Variants in NEK10 observed in about 807,000 individuals in gnomAD.
NEK10 encodes the protein serine/threonine-protein kinase Nek10.
Under a neutral mutation model 159.8 loss-of-function variants are expected in NEK10, and 122 were observed. That is an observed-to-expected ratio of 0.76 (90% CI 0.66 to 0.89). The LOEUF is 0.89. Among genes scored for constraint, NEK10 ranks in the 40% least tolerant of loss-of-function variants. The pLI is 0.00. For synonymous variants in NEK10, 466 were observed against 457.1 expected, an observed-to-expected ratio of 1.02 and a Z score of -0.25; for missense variants, 1,342 against 1,323.1, an observed-to-expected ratio of 1.01 and a Z score of -0.22.
chr3:27,298,002 T>C (rs564650834), intron 13 of NEK10, among the ~76,000 whole-genome samples: 16 of 152,220 alleles, frequency 1.1e-4, no homozygotes, highest in Non-Finnish European at 2.4e-4. Context: ...TCATCACCAT[T>C]TTACATAAGC....
intron 23 of NEK10, among the ~76,000 whole-genome samples, chr3:27,228,749 C>A (rs1952907551): frequency 6.6e-6 from 1 of 152,174 alleles, no homozygotes; most frequent in Non-Finnish European, 1.5e-5. Context: ...TTCCTCCCTA[C>A]TTGGAACATC....
At chr3:27,277,750 C>T (rs73161134) in intron 22 of NEK10, among the ~76,000 whole-genome samples, 2,488 of 152,296 alleles carry the variant, frequency 0.016, 78 homozygotes, top group African/African-American at 0.057. Flanking sequence ...CACTCATATT[C>T]TCTCGGAGGA....
intron 12 of NEK10, among the ~76,000 whole-genome samples, chr3:27,302,998 C>T (rs576250627): frequency 4.6e-5 from 7 of 152,312 alleles, no homozygotes; most frequent in African/African-American, 1.7e-4. Flanking sequence ...GTTCTTCATA[C>T]TCCAGCCACA....
chr3:27,295,807 T>G (rs949637118), intron 14 of NEK10, 117 bp from the exon 15 acceptor site: 2 of 1,323,986 alleles, frequency 1.5e-6, no homozygotes, highest in Non-Finnish European at 2.0e-6. Flanking sequence ...AGTATAACTA[T>G]GGACCTTGAA....
chr3:27,317,071 T>G (rs2045258700), intron 6 of NEK10, among the ~76,000 whole-genome samples: 1 of 152,226 alleles, frequency 6.6e-6, no homozygotes, highest in African/African-American at 2.4e-5. Context: ...GCTTACTCCC[T>G]CTTAGAGAAT....
At chr3:27,271,557 T>C (rs1427029339) in intron 22 of NEK10, among the ~76,000 whole-genome samples, 1 of 152,184 alleles carries the variant, frequency 6.6e-6, no homozygotes, top group African/African-American at 2.4e-5. Flanking sequence ...CTGAGGAGCA[T>C]TACAATGATT....
rs747588866 is a variant in NEK10 at position 27,291,214 on chromosome 3, T to C, written c.1605+48A>G. ...TGAATATCGGTGTGCAAGTGTGACA[T>C]CCGGTTTGGTTGGGAGTATCAGAAA... On this transcript the variant is annotated intron_variant, in intron 18 of 35. Coordinates refer to ENST00000691995, the MANE Select transcript of NEK10 (RefSeq NM_001394966.1). 3.2e-6 allele frequency: 5 copies of C among 1,567,520 alleles called. No individual in the cohort carries two copies. The East Asian group carries it at 1.1e-4, about 35-fold the overall frequency.
chr3:27,241,163 T>G (rs934190550), intron 23 of NEK10, among the ~76,000 whole-genome samples: 6 of 152,122 alleles, frequency 3.9e-5, no homozygotes, highest in African/African-American at 1.4e-4. Flanking sequence ...TTCCAAATAT[T>G]CAGCATAGAA....
intron 29 of NEK10, among the ~76,000 whole-genome samples, chr3:27,164,959 G>A (rs115321961): frequency 6.6e-5 from 10 of 152,172 alleles, no homozygotes; most frequent in Non-Finnish European, 1.2e-4. Flanking sequence ...TGGGATATGT[G>A]ACATAGAACA....
chr3:27,352,590 C>T lies in NEK10; in HGVS notation c.72-65G>A, dbSNP rs1478175426. 6 of 1,187,370 alleles carry T rather than the reference C, an allele frequency of 5.1e-6. No homozygotes were observed. The African/African-American group carries it at 9.1e-5, about 18-fold the overall frequency. The allele number at this position is 1,187,370 out of a possible 1,614,324, so 73.6% of individuals were successfully genotyped here. On this transcript the variant is annotated intron_variant, in intron 2 of 35. Coordinates refer to ENST00000691995, the MANE Select transcript of NEK10 (RefSeq NM_001394966.1). Reference sequence around the variant, plus strand: ...TCCAGGTGAACAAGATCGTGTTACCCACTGATGGCATTGCCACTTGGAGGC... The same window carrying T: ...TCCAGGTGAACAAGATCGTGTTACCTACTGATGGCATTGCCACTTGGAGGC...
intron 22 of NEK10, among the ~76,000 whole-genome samples, chr3:27,283,006 C>T (rs148624751): frequency 3.0e-4 from 45 of 152,096 alleles, no homozygotes; most frequent in African/African-American, 1.0e-3. Flanking sequence ...GCATTGGCTT[C>T]GAAATATTTC....
chr3:27,230,149 C>T (rs922451250), intron 23 of NEK10, among the ~76,000 whole-genome samples: 3 of 151,920 alleles, frequency 2.0e-5, no homozygotes, highest in African/African-American at 7.3e-5. Flanking sequence ...AAAGAGAAAC[C>T]GATCAGACTA....
At chr3:27,296,562 T>C (rs1373996065) in intron 14 of NEK10, among the ~76,000 whole-genome samples, 1 of 152,140 alleles carries the variant, frequency 6.6e-6, no homozygotes, top group African/African-American at 2.4e-5. Flanking sequence ...CAACCAAAAA[T>C]GTTTTCTCTG....
At chr3:27,206,718 T>A in intron 23 of NEK10, 2 of 638,002 alleles carry the variant, frequency 3.1e-6, no homozygotes, top group Non-Finnish European at 3.9e-6. Flanking sequence ...AAAATAGGGT[T>A]AAAGCAGTGG....
intron 32 of NEK10, among the ~76,000 whole-genome samples, chr3:27,121,518 A>G (rs1941303709): frequency 6.6e-6 from 1 of 152,138 alleles, no homozygotes; most frequent in South Asian, 2.1e-4. Context: ...AAAGTCTCGC[A>G]GGATCTGATA....
intron 14 of NEK10, among the ~76,000 whole-genome samples, chr3:27,296,890 T>G (rs1264950585): frequency 6.6e-6 from 1 of 152,160 alleles, no homozygotes; most frequent in Non-Finnish European, 1.5e-5. Flanking sequence ...CCAGAATTAA[T>G]GCAATTCAGA....
At chr3:27,160,664 G>C (rs1256417624) in intron 30 of NEK10, among the ~76,000 whole-genome samples, 3 of 152,110 alleles carry the variant, frequency 2.0e-5, no homozygotes, top group Non-Finnish European at 4.4e-5. Flanking sequence ...CCAGCAATTT[G>C]GGAGGCCGAG....
At chr3:27,260,946 T>C (rs1318505830) in intron 22 of NEK10, among the ~76,000 whole-genome samples, 1 of 152,216 alleles carries the variant, frequency 6.6e-6, no homozygotes, top group East Asian at 1.9e-4. Context: ...TGGTTTAGTC[T>C]TGGGAGGGTG....
At chr3:27,247,555 T>A (rs1370706161) in intron 23 of NEK10, among the ~76,000 whole-genome samples, 3 of 151,842 alleles carry the variant, frequency 2.0e-5, no homozygotes, top group African/African-American at 7.2e-5. Context: ...ATTTTATTTT[T>A]TTGAGACAGA....
Sources: allele counts gnomAD v4.1 joint callset (sites outside exome capture counted in the v4.1 genomes callset), GRCh38; gene constraint gnomAD v4.1.1; transcripts MANE v1.5; gene names NCBI Gene and HGNC (gene_info 2026-07-23, HGNC 2026-07-21).